Variants in CFAP20DC observed in about 807,000 individuals in gnomAD.
The protein encoded by CFAP20DC is protein CFAP20DC.
Under a neutral mutation model 101.7 loss-of-function variants are expected in CFAP20DC, and 84 were observed. That is an observed-to-expected ratio of 0.83 (90% CI 0.69 to 0.99). The LOEUF is 0.99. CFAP20DC is among the 50% of genes least tolerant of loss of function. The pLI, the probability that CFAP20DC is intolerant of heterozygous loss-of-function variation, is 0.00. For missense variants in CFAP20DC, 1,007 were observed against 970.3 expected, an observed-to-expected ratio of 1.04 and a Z score of -0.50; for synonymous variants, 359 against 351.2, an observed-to-expected ratio of 1.02 and a Z score of -0.25.
chr3:58,769,794 T>C (rs1279399215), intron 15 of CFAP20DC, among the ~76,000 whole-genome samples: 3 of 152,214 alleles, frequency 2.0e-5, no homozygotes, highest in Non-Finnish European at 4.4e-5. Context: ...CATAAACAAC[T>C]ACTACTGTGT....
At chr3:58,969,516 T>C (rs952200651) in intron 4 of CFAP20DC, among the ~76,000 whole-genome samples, 2 of 152,184 alleles carry the variant, frequency 1.3e-5, no homozygotes, top group South Asian at 4.1e-4. Flanking sequence ...CAAACTGGTA[T>C]ATGAATTGTT....
At chr3:59,046,425 C>G (rs1699867065) in intron 2 of CFAP20DC, 103 bp from the exon 3 acceptor site, 1 of 740,252 alleles carries the variant, frequency 1.4e-6, no homozygotes, top group Non-Finnish European at 2.2e-6. Flanking sequence ...ATCCCATATT[C>G]AAATAACTTA....
At position 59,002,813 on chromosome 3, in the gene CFAP20DC, C is replaced by T. The variant is rs1175910763; in HGVS notation, c.278+36744G>A. On this transcript the variant is annotated intron_variant, in intron 4 of 16. Transcript: ENST00000482387. The surrounding 1 kb of genome is among the most constrained non-coding windows in gnomAD (Gnocchi z 4.5). ...TCTTTTAACAAGAACTAGTATTTGCCTAGTTTGAAAAGCACTTCTTATCAT... is the reference window on the plus strand; with the variant it reads ...TCTTTTAACAAGAACTAGTATTTGCTTAGTTTGAAAAGCACTTCTTATCAT... 3.3e-5 allele frequency among the ~76,000 whole-genome samples: 5 copies of T among 152,144 alleles called. No homozygotes were observed. The highest frequency in any genetic ancestry group is 7.4e-5 in the Non-Finnish European group (5 of 68,024).
At chr3:58,809,984 C>T (rs889370368) in intron 14 of CFAP20DC, among the ~76,000 whole-genome samples, 1 of 152,140 alleles carries the variant, frequency 6.6e-6, no homozygotes, top group East Asian at 1.9e-4. Flanking sequence ...ACACATACAC[C>T]ATCCCACGAC....
At chr3:58,783,076 G>C (rs557828065) in intron 15 of CFAP20DC, among the ~76,000 whole-genome samples, 7 of 151,932 alleles carry the variant, frequency 4.6e-5, no homozygotes, top group Admixed American at 2.0e-4. Context: ...GGTATAAAAA[G>C]AGACATATAG....
intron 5 of CFAP20DC, among the ~76,000 whole-genome samples, chr3:58,934,050 G>A (rs899202792): frequency 1.3e-5 from 2 of 152,142 alleles, no homozygotes; most frequent in African/African-American, 4.8e-5. Context: ...AGAAAACAGA[G>A]AAGAATCAAA....
intron 14 of CFAP20DC, among the ~76,000 whole-genome samples, chr3:58,809,465 C>G (rs1187277845): frequency 2.0e-5 from 3 of 151,926 alleles, no homozygotes; most frequent in African/African-American, 7.3e-5. Context: ...GGGTACATAA[C>G]GAAATGAAGG....
At chr3:58,982,321 G>A (rs1236426715) in intron 4 of CFAP20DC, among the ~76,000 whole-genome samples, 3 of 152,258 alleles carry the variant, frequency 2.0e-5, no homozygotes, top group African/African-American at 7.2e-5. Flanking sequence ...CAGGGATCTA[G>A]AACTAGAAAT....
chr3:59,027,353 T>TC (rs2093911712), intron 4 of CFAP20DC, among the ~76,000 whole-genome samples: 1 of 152,162 alleles, frequency 6.6e-6, no homozygotes, highest in African/African-American at 2.4e-5. Flanking sequence ...AGCTAAGGGC[T>TC]CAACACATGA....
chr3:58,862,841 G>A (rs2079362755), intron 12 of CFAP20DC: 1 of 985,074 alleles, frequency 1.0e-6, no homozygotes, highest in African/African-American at 1.7e-5. Context: ...AAATAATGCT[G>A]AAGAAAATCC....
chr3:58,996,074 T>C (rs552314369), intron 4 of CFAP20DC, among the ~76,000 whole-genome samples: 14 of 152,056 alleles, frequency 9.2e-5, no homozygotes, highest in South Asian at 4.2e-4. Flanking sequence ...ACTAATTTCA[T>C]GTTAAATTGC....
At chr3:59,037,212 T>C (rs1431183441) in intron 4 of CFAP20DC, among the ~76,000 whole-genome samples, 2 of 152,136 alleles carry the variant, frequency 1.3e-5, no homozygotes, top group African/African-American at 2.4e-5. Context: ...ATTCAGGACA[T>C]AGGCATGGGC....
At chr3:58,733,263 C>T (rs2067681286) in intron 3 of CFAP20DC, among the ~76,000 whole-genome samples, 1 of 152,058 alleles carries the variant, frequency 6.6e-6, no homozygotes, top group Admixed American at 6.5e-5. Context: ...ACGCAGGAGG[C>T]AGAGGTTGCA....
chr3:58,951,398 C>A (rs1285544854), intron 4 of CFAP20DC, among the ~76,000 whole-genome samples: 1 of 152,128 alleles, frequency 6.6e-6, no homozygotes, highest in Non-Finnish European at 1.5e-5. Flanking sequence ...CCAGCCATCC[C>A]ATTACTGGGT....
At chr3:58,852,577 C>T (rs377414327) in intron 12 of CFAP20DC, among the ~76,000 whole-genome samples, 12 of 151,700 alleles carry the variant, frequency 7.9e-5, no homozygotes, top group African/African-American at 2.4e-4. Context: ...TGACCACATA[C>T]TTGGAAGTAA....
chr3:58,836,671 T>C (rs1000881762), intron 13 of CFAP20DC, among the ~76,000 whole-genome samples: 1 of 152,152 alleles, frequency 6.6e-6, no homozygotes, highest in African/African-American at 2.4e-5. Context: ...CAGGCTTGCA[T>C]TGTGACAGTG....
At chr3:58,765,366 C>T (rs2070180522) in intron 15 of CFAP20DC, among the ~76,000 whole-genome samples, 1 of 148,104 alleles carries the variant, frequency 6.8e-6, no homozygotes, top group Non-Finnish European at 1.5e-5. Context: ...ATACAGTAAG[C>T]ATTTACTGAA....
intron 14 of CFAP20DC, among the ~76,000 whole-genome samples, chr3:58,822,851 A>G (rs932824161): frequency 1.3e-5 from 2 of 152,052 alleles, no homozygotes; most frequent in African/African-American, 4.8e-5. Context: ...CTGGTCATAA[A>G]ACATAGCTAG....
chr3:58,872,749 C>T (rs947473361), intron 7 of CFAP20DC, among the ~76,000 whole-genome samples: 2 of 152,062 alleles, frequency 1.3e-5, no homozygotes, highest in Non-Finnish European at 2.9e-5. Context: ...GGTTATCTTT[C>T]TCTAAATATG....
Sources: gnomAD v4.1 joint callset for allele counts (sites outside exome capture counted in the v4.1 genomes callset) on GRCh38, gnomAD v4.1.1 for gene constraint, Gnocchi (gnomAD v3.1) non-coding constraint, MANE v1.5 for transcripts, NCBI Gene and HGNC (gene_info 2026-07-23, HGNC 2026-07-21) for gene names.